Variants in ULK2 observed in about 807,000 individuals in gnomAD.
ULK2 encodes serine/threonine-protein kinase ULK2.
A neutral mutation model predicts 127.5 loss-of-function variants in ULK2; 76 were observed. That is an observed-to-expected ratio of 0.60 (90% CI 0.50 to 0.72). The LOEUF (loss-of-function observed/expected upper bound fraction) is 0.72, where lower values mean the gene tolerates loss of function less well. ULK2 is among the 30% of genes least tolerant of loss of function. The probability of loss-of-function intolerance (pLI) is 0.00; values close to 1 mark genes in which losing one functional copy is unlikely to be tolerated. For synonymous variants in ULK2, 452 were observed against 461.9 expected (o/e 0.98, Z 0.28); for missense variants, 1,144 against 1,295.9 (o/e 0.88, Z 1.80).
In ULK2 at chr17:19,795,626, A is replaced by G. The variant is rs373619311; in HGVS notation, c.2097T>C (p.Asp699=). ...AAGAAACTACATTTTTCTTACCTAT[A>G]TCCATTGGTCGTTCTGTATTTAAAC... ...TDSLNTERPM[D]IAPAGACGGV... The change falls in exon 20 of 27, where the codon GAT becomes GAC. Residue 699 remains aspartate, a synonymous_variant. Transcript: ENST00000395544. The G allele has an allele frequency of 6.2e-7, 1 of 1,613,312 alleles. No homozygotes were observed. The highest frequency in any genetic ancestry group is 1.1e-5 in the South Asian group (1 of 91,070).
At chr17:19,815,878 GAAAA>G (rs893633036) in intron 13 of ULK2, among the ~76,000 whole-genome samples, 10 of 151,174 alleles carry the variant, frequency 6.6e-5, no homozygotes, top group Non-Finnish European at 1.5e-4. Context: ...AAAGAAAAAA[GAAAA>G]AAAAGAAAAC....
At position 19,772,969 on chromosome 17, in the gene ULK2, CTG is replaced by C. The variant is rs1485878357; in HGVS notation, c.*3378_*3379del. ...CTCCAGCCTGGGTGACAGAGCAAGA[CTG>C]TCTCAAAAAAAAAAACCAAAAAACA... On this transcript the variant is annotated 3_prime_UTR_variant, in exon 27 of 27. Transcript: ENST00000395544. The C allele has an allele frequency of 6.6e-6, 1 of 151,466 alleles. No homozygotes were observed. The highest frequency in any genetic ancestry group is 2.5e-5 in the African/African-American group (1 of 40,636). The allele number at this position is 151,466 out of a possible 1,614,324, so 9.4% of individuals were successfully genotyped here. A position where few individuals can be genotyped will look rare whatever the true frequency, so the allele number is the denominator to read the frequency against.
chr17:19,783,846 A>T lies in ULK2; in HGVS notation c.2311T>A (p.Ser771Thr). Residue 771 changes from serine (S) to threonine (T), a missense_variant, in exon 22 of 27, where the codon TCC becomes ACC. By Grantham distance (58) the Ser-to-Thr change is moderately conservative. This residue lies in a region of ULK2 where 913 missense variants were observed against 970.5 expected (regional missense o/e 0.94). Transcript: ENST00000395544. ...GAGCCGAAGCCTGGGCCAGGCGGGG[A>T]CCCCACGCACACGCGGCCACTCATG... ...CAMSGRVCVG[S>T]PPGPGFGSSP... 6.3e-7 allele frequency: 1 copy of T among 1,591,264 alleles called. No homozygotes were observed. Among genetic ancestry groups the T allele is most frequent in the Non-Finnish European group, 8.6e-7 (1 of 1,169,456 alleles).
chr17:19,793,660 A>C (rs1244368324), intron 20 of ULK2, among the ~76,000 whole-genome samples: 1 of 152,198 alleles, frequency 6.6e-6, no homozygotes, highest in Non-Finnish European at 1.5e-5. Context: ...GACAAAAACA[A>C]GGATACCAGA....
intron 3 of ULK2, among the ~76,000 whole-genome samples, chr17:19,851,712 GA>G (rs2042019803): frequency 6.6e-6 from 1 of 151,914 alleles, no homozygotes; most frequent in African/African-American, 2.4e-5. Flanking sequence ...CTGGAAAAAG[GA>G]AATAGAGAGG....
In ULK2 at chr17:19,846,748, C is replaced by A. The variant is rs545490794; in HGVS notation, c.458G>T (p.Arg153Leu). 7.5e-6 allele frequency: 12 copies of A among 1,603,458 alleles called. No homozygotes were observed. Among genetic ancestry groups the A allele is most frequent in the Admixed American group, 3.4e-5 (2 of 58,276 alleles). Residue 153 changes from arginine to leucine, a missense_variant, in exon 6 of 27, where the codon CGC (arginine) becomes CTC (leucine). Around this residue, in one of 2 missense-constraint regions of ULK2, gnomAD observed 231 missense variants for 325.4 expected, o/e 0.71. Transcript: ENST00000395544. ...ACATGGCCATTTACCTATTTTGATG[C>A]GAATACCACTGACACTTGATTTTCT... ...NRRKSSVSGI[R>L]IKIADFGFAR... is the part of the protein sequence containing the mutation.
chr17:19,804,771 T>G lies in ULK2; in HGVS notation c.1217A>C (p.Gln406Pro). ...SETAPIPVPT[Q>P]IRNYQRIEQN... Reference sequence around the variant, plus strand: ...CTCTATGCGCTGATAATTCCTTATTTGAGTAGGAACTGGAATTGGTGCTGT... The same window carrying G: ...CTCTATGCGCTGATAATTCCTTATTGGAGTAGGAACTGGAATTGGTGCTGT... The change falls in exon 15 of 27, where the codon CAA becomes CCA. Residue 406 changes from glutamine to proline, a missense_variant. Physicochemically the swap from Gln to Pro is moderately conservative, Grantham distance 76. Transcript: ENST00000395544. 6.2e-7 allele frequency: 1 copy of G among 1,613,074 alleles called. No individual in the cohort carries two copies. Among genetic ancestry groups the G allele is most frequent in the Non-Finnish European group, 8.5e-7 (1 of 1,179,416 alleles).
Position 19,816,858 on chromosome 17 carries a change from G to C in ULK2, c.987C>G (p.Pro329=). ...ENLSSPPLGP[P]NYLQVSKDSA... Reference sequence around the variant, plus strand: ...AATCTTTGGAAACTTGTAGATAGTTGGGAGGACCCAATGGTGGGGAAGATA... The same window carrying C: ...AATCTTTGGAAACTTGTAGATAGTTCGGAGGACCCAATGGTGGGGAAGATA... The change falls in exon 13 of 27, where the codon CCC becomes CCG. Residue 329 remains proline, a synonymous_variant. Coordinates refer to ENST00000395544, the MANE Select transcript of ULK2 (RefSeq NM_014683.4). 1.2e-6 allele frequency: 2 copies of C among 1,612,416 alleles called. No homozygotes were observed. Among genetic ancestry groups the C allele is most frequent in the Non-Finnish European group, 1.7e-6 (2 of 1,179,492 alleles).
chr17:19,863,138 CG>C (rs916855909), intron 3 of ULK2, among the ~76,000 whole-genome samples: 2 of 151,478 alleles, frequency 1.3e-5, no homozygotes, highest in Non-Finnish European at 2.9e-5. Context: ...CGCTTTAACC[CG>C]GGGGGGCAGA....
intron 17 of ULK2, among the ~76,000 whole-genome samples, chr17:19,798,884 C>A (rs116477704): frequency 6.6e-6 from 1 of 151,994 alleles, no homozygotes; most frequent in African/African-American, 2.4e-5. Context: ...ATTAATCAGC[C>A]GGGCATGGTG....
chr17:19,863,643 C>G (rs2042291605), intron 3 of ULK2, among the ~76,000 whole-genome samples: 1 of 152,020 alleles, frequency 6.6e-6, no homozygotes, highest in South Asian at 2.1e-4. Context: ...GAATTACAGG[C>G]TCAAGCCACC....
chr17:19,838,715 C>T (rs956605480), intron 9 of ULK2, 132 bp from the exon 10 acceptor site: 15 of 725,692 alleles, frequency 2.1e-5, no homozygotes, highest in Non-Finnish European at 3.4e-5. Context: ...ACCACGAAGA[C>T]CATGTAAGAG....
intron 5 of ULK2, among the ~76,000 whole-genome samples, chr17:19,848,672 G>A (rs1243653488): frequency 6.6e-6 from 1 of 152,060 alleles, no homozygotes; most frequent in Admixed American, 6.6e-5. Context: ...AGCTACTCGG[G>A]AGGCTGAGGC....
rs757046515 is a variant in ULK2, at chr17:19,780,939, C to T, written c.2758+47G>A. ...TCTCTCACAGTGTGATGGGAAAGAG[C>T]AACTTAAGGACTGACCCCTGGAGTT... On this transcript the variant is annotated intron_variant, in intron 24 of 26. Coordinates refer to ENST00000395544, the MANE Select transcript of ULK2 (RefSeq NM_014683.4). The T allele has an allele frequency of 2.0e-5, 31 of 1,544,770 alleles. No homozygotes were observed. The Admixed American group carries it at 4.9e-4, about 24-fold the overall frequency.
intron 20 of ULK2, among the ~76,000 whole-genome samples, chr17:19,786,478 C>T (rs2087034604): frequency 6.6e-6 from 1 of 152,092 alleles, no homozygotes; most frequent in South Asian, 2.1e-4. Context: ...CTTTGGGAGG[C>T]CAAGGCGGGT....
intron 20 of ULK2, among the ~76,000 whole-genome samples, chr17:19,789,115 A>G (rs2087097768): frequency 6.6e-6 from 1 of 152,124 alleles, no homozygotes; most frequent in South Asian, 2.1e-4. Context: ...AGCAATGATT[A>G]AAGAGGGCCT....
At chr17:19,799,452 T>C (rs1597729457) in intron 17 of ULK2, 43 bp downstream of exon 17, 2 of 1,432,858 alleles carry the variant, frequency 1.4e-6, no homozygotes, top group Non-Finnish European at 9.3e-7. Context: ...AATCCATTTA[T>C]AATACAATTC....
chr17:19,784,922 G>A (rs1017047317), intron 21 of ULK2, among the ~76,000 whole-genome samples: 6 of 151,764 alleles, frequency 4.0e-5, no homozygotes, highest in African/African-American at 1.2e-4. Context: ...GTTTTTAATC[G>A]TCTTAAAAAC....
chr17:19,814,601 G>A (rs2040940717), intron 13 of ULK2, among the ~76,000 whole-genome samples: 1 of 151,382 alleles, frequency 6.6e-6, no homozygotes, highest in South Asian at 2.1e-4. Context: ...TGGTAAAGGT[G>A]GGGTCTTGCC....
Sources: allele counts gnomAD v4.1 joint callset (sites outside exome capture counted in the v4.1 genomes callset), GRCh38; gene constraint gnomAD v4.1.1; regional missense constraint gnomAD v4.1.1; transcripts MANE v1.5; gene names NCBI Gene and HGNC (gene_info 2026-07-23, HGNC 2026-07-21).